CAMK1D: variants seen among roughly 807,000 people sequenced by gnomAD.
CAMK1D encodes the protein calcium/calmodulin-dependent protein kinase type 1D.
A neutral mutation model predicts 47.7 loss-of-function variants in CAMK1D; 9 were observed. The ratio of observed to expected loss-of-function variants is 0.19; its 90% confidence interval spans 0.11 to 0.33. CAMK1D has a LOEUF of 0.33. CAMK1D is among the 10% of genes least tolerant of loss of function. The probability of loss-of-function intolerance (pLI) is 1.00; values close to 1 mark genes in which losing one functional copy is unlikely to be tolerated. For synonymous variants in CAMK1D, 184 were observed against 184.9 expected (o/e 0.99, Z 0.04); for missense variants, 291 against 488.7 (o/e 0.60, Z 3.81).
chr10:12,645,089 A>G (rs569452392), intron 2 of CAMK1D, among the ~76,000 whole-genome samples: 1 of 152,090 alleles, frequency 6.6e-6, no homozygotes, highest in Admixed American at 6.5e-5. Context: ...CAAAATTCAT[A>G]TCCTCCTCTG....
intron 2 of CAMK1D, among the ~76,000 whole-genome samples, chr10:12,660,004 T>A (rs1225153925): frequency 7.9e-5 from 12 of 152,216 alleles, no homozygotes; most frequent in Admixed American, 5.9e-4. Context: ...TCTCTTATAA[T>A]CAGTTTCACT....
At chr10:12,485,885 A>G (rs1834198806) in intron 1 of CAMK1D, among the ~76,000 whole-genome samples, 1 of 152,284 alleles carries the variant, frequency 6.6e-6, no homozygotes, top group South Asian at 2.1e-4. Flanking sequence ...CGCTTAACAG[A>G]GCCAAATTCA....
intron 2 of CAMK1D, among the ~76,000 whole-genome samples, chr10:12,660,103 G>A (rs927587700): frequency 2.6e-5 from 4 of 152,170 alleles, no homozygotes; most frequent in Non-Finnish European, 5.9e-5. Flanking sequence ...CATTACTAGA[G>A]AATGGCAATA....
chr10:12,752,186 T>C (rs570770236), intron 3 of CAMK1D, among the ~76,000 whole-genome samples: 1 of 152,228 alleles, frequency 6.6e-6, no homozygotes, highest in African/African-American at 2.4e-5. Context: ...TTTCACCATG[T>C]TGGCCAGTCT....
intron 1 of CAMK1D, among the ~76,000 whole-genome samples, chr10:12,497,374 G>T (rs1400837035): frequency 6.6e-6 from 1 of 151,630 alleles, no homozygotes; most frequent in East Asian, 1.9e-4. Context: ...CTATTCAGGA[G>T]GCTGAGGCAG....
intron 3 of CAMK1D, among the ~76,000 whole-genome samples, chr10:12,704,568 A>T (rs1348643784): frequency 6.6e-6 from 1 of 152,202 alleles, no homozygotes; most frequent in African/African-American, 2.4e-5. Context: ...GAGGAAAAAA[A>T]AAAAGAAAGA....
intron 3 of CAMK1D, among the ~76,000 whole-genome samples, chr10:12,697,755 A>G (rs531039591): frequency 6.6e-6 from 1 of 152,306 alleles, no homozygotes; most frequent in South Asian, 2.1e-4. Flanking sequence ...TGACACGGGT[A>G]CTTTTCCTGC....
chr10:12,481,937 T>C (rs1254450807), intron 1 of CAMK1D, among the ~76,000 whole-genome samples: 3 of 152,226 alleles, frequency 2.0e-5, no homozygotes, highest in Admixed American at 2.0e-4. Flanking sequence ...CTGGACACTG[T>C]GTGGATCACT....
chr10:12,668,259 C>T (rs1588759805), intron 3 of CAMK1D, among the ~76,000 whole-genome samples: 2 of 152,312 alleles, frequency 1.3e-5, no homozygotes, highest in East Asian at 3.9e-4. Flanking sequence ...ATATTATTGC[C>T]TAATTGGAAG....
chr10:12,543,222 A>T (rs749329407), intron 1 of CAMK1D, among the ~76,000 whole-genome samples: 1 of 150,740 alleles, frequency 6.6e-6, no homozygotes, highest in Non-Finnish European at 1.5e-5. Context: ...TAATTTTTGT[A>T]TTTTTTCTAT....
intron 2 of CAMK1D, among the ~76,000 whole-genome samples, chr10:12,604,910 T>G (rs1838405354): frequency 6.6e-6 from 1 of 150,438 alleles, no homozygotes; most frequent in Non-Finnish European, 1.5e-5. Flanking sequence ...TTTTTTGAGA[T>G]GGAGTCTCAC....
intron 5 of CAMK1D, among the ~76,000 whole-genome samples, chr10:12,778,707 GTC>G (rs1564554686): frequency 6.6e-6 from 1 of 151,950 alleles, no homozygotes; most frequent in Non-Finnish European, 1.5e-5. Context: ...TAAGACCCCT[GTC>G]TCTCTAAAAA....
At chr10:12,668,369 A>G (rs2132558844) in intron 3 of CAMK1D, among the ~76,000 whole-genome samples, 1 of 152,282 alleles carries the variant, frequency 6.6e-6, no homozygotes, top group Admixed American at 6.5e-5. Flanking sequence ...CTAATCCTCA[A>G]TCTAAAGCTA....
intron 3 of CAMK1D, among the ~76,000 whole-genome samples, chr10:12,748,670 A>G (rs1458978490): frequency 6.6e-6 from 1 of 152,174 alleles, no homozygotes; most frequent in Non-Finnish European, 1.5e-5. Context: ...CTGCCTGGAA[A>G]GCTCCTGCTG....
chr10:12,785,306 G>A (rs1033488956), intron 5 of CAMK1D, among the ~76,000 whole-genome samples: 1 of 152,132 alleles, frequency 6.6e-6, no homozygotes, highest in Non-Finnish European at 1.5e-5. Flanking sequence ...TTCCTGCTTT[G>A]TCTGGAGGCT....
chr10:12,633,889 C>A (rs1288461120), intron 2 of CAMK1D, among the ~76,000 whole-genome samples: 2 of 152,290 alleles, frequency 1.3e-5, no homozygotes, highest in South Asian at 2.1e-4. Flanking sequence ...TAGGCACAGG[C>A]CTTTGTGAGG....
chr10:12,608,983 AGTAGCAGCT>A (rs1838545924), intron 2 of CAMK1D, among the ~76,000 whole-genome samples: 1 of 152,252 alleles, frequency 6.6e-6, no homozygotes, highest in South Asian at 2.1e-4. Context: ...GATGCATGCC[AGTAGCAGCT>A]GTTTGTCACT....
intron 1 of CAMK1D, among the ~76,000 whole-genome samples, chr10:12,520,959 AGGGG>A (rs1369227658): frequency 4.1e-4 from 1 of 2,410 alleles, no homozygotes; most frequent in Non-Finnish European, 8.1e-4. Context: ...GGGGAGGGGG[AGGGG>A]GAGGGGGAGA....
At chr10:12,636,631 T>C (rs1224475121) in intron 2 of CAMK1D, among the ~76,000 whole-genome samples, 4 of 152,068 alleles carry the variant, frequency 2.6e-5, no homozygotes, top group Admixed American at 6.5e-5. Flanking sequence ...CCTGGCCTTA[T>C]ATGCAGTTTT....
Sources: allele counts gnomAD v4.1 joint callset (sites outside exome capture counted in the v4.1 genomes callset), GRCh38; gene constraint gnomAD v4.1.1; transcripts MANE v1.5; gene names NCBI Gene and HGNC (gene_info 2026-07-23, HGNC 2026-07-21).